RP9: variants seen among roughly 807,000 people sequenced by gnomAD.
The protein encoded by RP9 is RP9 pre-mRNA splicing factor, also known as retinitis pigmentosa 9 protein.
Under a neutral mutation model 32.6 loss-of-function variants are expected in RP9, and 23 were observed. The observed-to-expected ratio is 0.71, with a 90% confidence interval of 0.51 to 1.00. RP9 has a LOEUF of 1.00. RP9 is among the 50% of genes least tolerant of loss of function. The pLI, the probability that RP9 is intolerant of heterozygous loss-of-function variation, is 0.00. For synonymous variants in RP9, 94 were observed against 103.6 expected, an observed-to-expected ratio of 0.91 and a Z score of 0.56; for missense variants, 245 against 285.3, an observed-to-expected ratio of 0.86 and a Z score of 1.02.
At chr7:33,106,350 C>T (rs1788498336) in intron 1 of RP9, among the ~76,000 whole-genome samples, 1 of 151,848 alleles carries the variant, frequency 6.6e-6, no homozygotes, top group Non-Finnish European at 1.5e-5. Context: ...TTTTTTCCTT[C>T]TTTCTTGCAG....
intron 1 of RP9, 188 bp from the exon 2 acceptor site, chr7:33,100,749 C>T: frequency 1.4e-6 from 1 of 703,040 alleles, no homozygotes; most frequent in Non-Finnish European, 2.7e-6. Flanking sequence ...CTGAGCGGCA[C>T]CTGCCATCTA....
In RP9 at chr7:33,102,385, C is replaced by T. The variant is rs2128033060; in HGVS notation, c.153-1824G>A. 1.3e-5 allele frequency among the ~76,000 whole-genome samples: 2 copies of T among 152,282 alleles called. 1 individual carries two copies. Among genetic ancestry groups the T allele is most frequent in the South Asian group, 4.1e-4 (2 of 4,822 alleles). On this transcript the variant is annotated intron_variant, in intron 1 of 5. Transcript: ENST00000297157. ...GGAGTGCAGTGGCGTGATCACAGCT[C>T]ACTGCAGCCTTGAACTCCTGGGTTC...
intron 4 of RP9, among the ~76,000 whole-genome samples, chr7:33,096,770 A>C (rs115254324): frequency 0.025 from 3,810 of 152,334 alleles, 149 homozygotes; most frequent in African/African-American, 0.087. Flanking sequence ...TACTCTCAGC[A>C]CACTGTCTTT....
chr7:33,099,691 T>C (rs936927598), intron 2 of RP9, among the ~76,000 whole-genome samples: 8 of 152,038 alleles, frequency 5.3e-5, no homozygotes, highest in Non-Finnish European at 1.2e-4. Flanking sequence ...AAATCTGTCC[T>C]TATATAGCAA....
At position 33,095,154 on chromosome 7, in the gene RP9, C is replaced by G; in HGVS notation, c.*80G>C. 6.3e-7 allele frequency: 1 copy of G among 1,578,548 alleles called. No individual in the cohort carries two copies. Among genetic ancestry groups the G allele is most frequent in the Non-Finnish European group, 8.7e-7 (1 of 1,148,280 alleles). On this transcript the variant is annotated 3_prime_UTR_variant, in exon 6 of 6. Transcript: ENST00000297157. The stretch of plus-strand genomic sequence containing the variant: ...ATACTCCTCTCTCGGCGTCTCTATC[C>G]TGCTGCTTTCTCTGACTGCATCTTC...
At chr7:33,103,549 C>T (rs539495777) in intron 1 of RP9, among the ~76,000 whole-genome samples, 6 of 152,310 alleles carry the variant, frequency 3.9e-5, no homozygotes, top group African/African-American at 1.2e-4. Context: ...AGCAGCGGCT[C>T]ATGCCTGTAA....
chr7:33,103,038 T>G (rs1788450718), intron 1 of RP9, among the ~76,000 whole-genome samples: 2 of 151,902 alleles, frequency 1.3e-5, no homozygotes, highest in Non-Finnish European at 2.9e-5. Context: ...TGCTTATCTA[T>G]CTCCTTCCCC....
At chr7:33,106,606 T>C (rs1788501796) in intron 1 of RP9, among the ~76,000 whole-genome samples, 1 of 152,200 alleles carries the variant, frequency 6.6e-6, no homozygotes, top group Non-Finnish European at 1.5e-5. Flanking sequence ...TTAAGAGGTA[T>C]GTCTAAGATG....
intron 2 of RP9, 48 bp from the exon 3 acceptor site, chr7:33,099,484 C>A (rs1788395207): frequency 6.2e-7 from 1 of 1,612,268 alleles, no homozygotes; most frequent in South Asian, 1.1e-5. Context: ...CGCTGGGATT[C>A]TCTCCTGCTC....
intron 5 of RP9, among the ~76,000 whole-genome samples, chr7:33,095,705 C>T (rs1266073132): frequency 2.6e-5 from 4 of 152,202 alleles, no homozygotes; most frequent in South Asian, 2.1e-4. Context: ...TTCTAACAGA[C>T]GCATACTTTA....
Position 33,094,919 on chromosome 7 carries a change from C to A in RP9, c.*315G>T. On this transcript the variant is annotated 3_prime_UTR_variant, in exon 6 of 6. Coordinates refer to ENST00000297157, the MANE Select transcript of RP9 (RefSeq NM_203288.2). Reference sequence around the variant, plus strand: ...GCTGTGGGAGGGCCTGGAAGACACGCCTCAGAGATTCTCCCAGTCCTGCCA... The same window carrying A: ...GCTGTGGGAGGGCCTGGAAGACACGACTCAGAGATTCTCCCAGTCCTGCCA... 2.3e-6 allele frequency: 1 copy of A among 432,514 alleles called. No individual in the cohort carries two copies. Among genetic ancestry groups the A allele is most frequent in the East Asian group, 4.6e-5 (1 of 21,838 alleles). The allele number at this position is 432,514 out of a possible 1,614,324, so 26.8% of individuals were successfully genotyped here. A position where few individuals can be genotyped will look rare whatever the true frequency, so the allele number is the denominator to read the frequency against.
At position 33,095,427 on chromosome 7, in the gene RP9, TG is replaced by T. The variant is rs1562618381; in HGVS notation, c.472del (p.Gln158SerfsTer3). The T allele has an allele frequency of 6.2e-7, 1 of 1,613,890 alleles. No homozygotes were observed. The highest frequency in any genetic ancestry group is 2.2e-5 in the East Asian group (1 of 44,872). Reference sequence around the variant, plus strand: ...ATCCTCCAGTAACTGTTTTAACTGCTGTATCCTAAACATTCAAAATTGATCA... The same window carrying T: ...ATCCTCCAGTAACTGTTTTAACTGCTTATCCTAAACATTCAAAATTGATCA... ...NKRHEKDVRI[Q>X]QLKQLLEDST... On this transcript the variant is annotated frameshift_variant, in exon 6 of 6. Coordinates refer to ENST00000297157, the MANE Select transcript of RP9 (RefSeq NM_203288.2). LOFTEE classifies it high-confidence loss of function.
intron 3 of RP9, chr7:33,098,974 G>A (rs1788384066): frequency 1.2e-5 from 5 of 403,042 alleles, no homozygotes; most frequent in South Asian, 2.2e-5. Context: ...TAGTCAGCTC[G>A]GGCTGACATA....
rs1788316515 is a variant in RP9, at chr7:33,095,408, C to T, written c.492G>A (p.Leu164=). ...DVRIQQLKQL[L]EDSTSDEDRS... ...TATCTTCATCTGAGGTAGAATCCTC[C>T]AGTAACTGTTTTAACTGCTGTATCC... Residue 164 remains leucine, a synonymous_variant, in exon 6 of 6, where the codon CTG becomes CTA. Transcript: ENST00000297157. The T allele has an allele frequency of 1.9e-6, 3 of 1,613,794 alleles. No homozygotes were observed. The highest frequency in any genetic ancestry group is 1.3e-5 in the African/African-American group (1 of 74,902).
Position 33,106,703 on chromosome 7 carries a change from T to C in RP9, c.152+2518A>G, listed in dbSNP as rs141875855. Among the ~76,000 whole-genome samples the C allele has an allele frequency of 0.013, 2,002 of 152,224 alleles. 90 individuals carry two copies. In the East Asian group the frequency reaches 0.16, roughly 13 times the overall value. ...GCTCACGCCTATAATCCCAGCACTT[T>C]GGGAGGCTGAGGTGGGCAGACCACT... is the stretch of plus-strand genomic sequence containing the variant. On this transcript the variant is annotated intron_variant, in intron 1 of 5. Coordinates refer to ENST00000297157, the MANE Select transcript of RP9 (RefSeq NM_203288.2).
chr7:33,109,394 C>T lies in RP9; in HGVS notation c.-22G>A, dbSNP rs1406919425. ...ACATGTCAGCCCCCGCAGCGCCGCT[C>T]GGGCAACCCCCGCGGCGCGGCTCCG... On this transcript the variant is annotated 5_prime_UTR_variant, in exon 1 of 6. Transcript: ENST00000297157. The surrounding 1 kb of genome is among the most constrained non-coding windows in gnomAD (Gnocchi z 4.9). 11 of 1,175,316 alleles carry T rather than the reference C, an allele frequency of 9.4e-6. No homozygotes were observed. In the East Asian group the frequency reaches 3.3e-4, roughly 35 times the overall value. The allele number at this position is 1,175,316 out of a possible 1,614,324, so 72.8% of individuals were successfully genotyped here. A position where few individuals can be genotyped will look rare whatever the true frequency, so the allele number is the denominator to read the frequency against.
At chr7:33,100,759 A>G (rs1190986173) in intron 1 of RP9, 198 bp from the exon 2 acceptor site, 1 of 696,524 alleles carries the variant, frequency 1.4e-6, no homozygotes, top group Admixed American at 2.0e-5. Flanking sequence ...CCTGCCATCT[A>G]AGACTGGCCA....
intron 3 of RP9, among the ~76,000 whole-genome samples, chr7:33,098,168 T>C (rs1348980053): frequency 6.6e-6 from 1 of 151,842 alleles, no homozygotes; most frequent in Non-Finnish European, 1.5e-5. Context: ...GGTAGATCGC[T>C]TGAGGCCAGG....
rs529894557 is a variant in RP9, at chr7:33,107,353, G to C, written c.152+1868C>G. On this transcript the variant is annotated intron_variant, in intron 1 of 5. Coordinates refer to ENST00000297157, the MANE Select transcript of RP9 (RefSeq NM_203288.2). ...CTCCATTTTTTCATCTGTAAAAGTA[G>C]GTTATAATCTCTCTCATCTGTGAAA... Among the ~76,000 whole-genome samples the C allele has an allele frequency of 3.9e-5, 6 of 152,300 alleles. 1 individual carries two copies. The South Asian group carries it at 1.2e-3, about 32-fold the overall frequency.
Sources: allele counts gnomAD v4.1 joint callset (sites outside exome capture counted in the v4.1 genomes callset), GRCh38; gene constraint gnomAD v4.1.1; non-coding constraint Gnocchi (gnomAD v3.1); transcripts MANE v1.5; gene names NCBI Gene and HGNC (gene_info 2026-07-23, HGNC 2026-07-21).